Variants in HNF1B observed in about 807,000 individuals in gnomAD.
HNF1B encodes the protein HNF1 homeobox B.
Under a neutral mutation model 61.7 loss-of-function variants are expected in HNF1B, and 8 were observed. The observed-to-expected ratio is 0.13, with a 90% CI of 0.08 to 0.23. The LOEUF is 0.23. Ranked by LOEUF, HNF1B falls within the 10% of genes least tolerant of loss-of-function variation. The probability of loss-of-function intolerance (pLI) is 1.00; values close to 1 mark genes in which losing one functional copy is unlikely to be tolerated. For missense variants in HNF1B, 562 were observed against 714.5 expected, an observed-to-expected ratio of 0.79 and a Z score of 2.43; for synonymous variants, 314 against 287.7, an observed-to-expected ratio of 1.09 and a Z score of -0.93.
chr17:37,713,357 T>A (rs928178781), intron 4 of HNF1B, among the ~76,000 whole-genome samples: 2 of 152,206 alleles, frequency 1.3e-5, no homozygotes, highest in African/African-American at 2.4e-5. Flanking sequence ...ATTATTTATT[T>A]AAAAATAATT....
intron 1 of HNF1B, among the ~76,000 whole-genome samples, chr17:37,741,661 A>C (rs1412643243): frequency 1.3e-5 from 2 of 152,228 alleles, no homozygotes; most frequent in East Asian, 3.8e-4. Context: ...CTTAGGGGAA[A>C]AATTGCATTT....
chr17:37,699,904 G>A (rs375206920), intron 7 of HNF1B, among the ~76,000 whole-genome samples: 12 of 152,196 alleles, frequency 7.9e-5, no homozygotes, highest in Admixed American at 5.9e-4. Context: ...GATGCAGCTA[G>A]GGAAGAAACA....
At chr17:37,704,448 C>A (rs1051084308) in intron 6 of HNF1B, among the ~76,000 whole-genome samples, 1 of 152,200 alleles carries the variant, frequency 6.6e-6, no homozygotes, top group African/African-American at 2.4e-5. Flanking sequence ...TAGAAGGAAA[C>A]CTGTCATTCT....
intron 4 of HNF1B, among the ~76,000 whole-genome samples, chr17:37,715,815 C>G (rs2033088992): frequency 6.6e-6 from 1 of 152,140 alleles, no homozygotes; most frequent in Non-Finnish European, 1.5e-5. Context: ...CTCTGGTAAT[C>G]TTTTTATTGG....
chr17:37,731,915 G>T, intron 3 of HNF1B, 85 bp from the exon 4 acceptor site: 1 of 916,798 alleles, frequency 1.1e-6, no homozygotes, highest in Non-Finnish European at 1.7e-6. Flanking sequence ...AATCACAGCA[G>T]TCTTGGTTGG....
intron 2 of HNF1B, 78 bp from the exon 3 acceptor site, chr17:37,733,899 G>T (rs1046672722): frequency 1.3e-6 from 2 of 1,486,812 alleles, no homozygotes; most frequent in East Asian, 2.3e-5. Flanking sequence ...GACAGACAAC[G>T]GACGAAGACA....
intron 8 of HNF1B, among the ~76,000 whole-genome samples, chr17:37,691,201 G>T (rs2032190699): frequency 6.6e-6 from 1 of 152,212 alleles, no homozygotes; most frequent in Non-Finnish European, 1.5e-5. Context: ...TGAGGCGTGA[G>T]GATAAAGGCC....
chr17:37,708,276 C>G (rs2032816921), intron 5 of HNF1B, among the ~76,000 whole-genome samples: 1 of 152,190 alleles, frequency 6.6e-6, no homozygotes, highest in South Asian at 2.1e-4. Context: ...GATAGTGACA[C>G]AGCACATGCA....
chr17:37,744,372 T>C (rs2034100249), intron 1 of HNF1B, among the ~76,000 whole-genome samples, 169 bp downstream of exon 1: 1 of 152,068 alleles, frequency 6.6e-6, no homozygotes, highest in Non-Finnish European at 1.5e-5. Context: ...GTCGTCCCGC[T>C]AAGGGATTGG....
chr17:37,722,870 G>C (rs886331405), intron 4 of HNF1B, among the ~76,000 whole-genome samples: 3 of 151,992 alleles, frequency 2.0e-5, no homozygotes, highest in Non-Finnish European at 4.4e-5. Flanking sequence ...CTCACCGTGG[G>C]GCTGTGTGCA....
At position 37,710,618 on chromosome 17, in the gene HNF1B, G is replaced by A; in HGVS notation, c.1091C>T (p.Ser364Leu). The change falls in exon 5 of 9, where the codon TCA becomes TTA. Residue 364 changes from serine (S) to leucine (L), a missense_variant. By Grantham distance (145) the Ser-to-Leu change is moderately radical. Around this residue, in one of 6 missense-constraint regions of HNF1B, gnomAD observed 211 missense variants for 200.7 expected, o/e 1.05. Coordinates refer to ENST00000617811, the MANE Select transcript of HNF1B (RefSeq NM_000458.4). Reference protein sequence around the residue: ...QQGNNEITSSSTISHHGNSAM... With the variant: ...QQGNNEITSSLTISHHGNSAM... ...GCTGTTGCCATGGTGACTGATTGTT[G>A]AGGAGGAAGTGATCTCATTGTTTCC... is the stretch of plus-strand genomic sequence containing the variant. 2.5e-6 allele frequency: 4 copies of A among 1,613,912 alleles called. No homozygotes were observed. The highest frequency in any genetic ancestry group is 3.4e-6 in the Non-Finnish European group (4 of 1,180,010).
intron 2 of HNF1B, among the ~76,000 whole-genome samples, chr17:37,739,019 T>C (rs1042188931): frequency 1.3e-5 from 2 of 152,206 alleles, no homozygotes; most frequent in Non-Finnish European, 2.9e-5. Flanking sequence ...AGGAGGAAAT[T>C]AACAGTAATA....
intron 8 of HNF1B, among the ~76,000 whole-genome samples, chr17:37,692,121 A>G (rs994094272): frequency 1.3e-5 from 2 of 152,212 alleles, no homozygotes; most frequent in African/African-American, 4.8e-5. Flanking sequence ...GTTGAGAAGG[A>G]GGGAGACGTA....
chr17:37,687,273 G>A lies in HNF1B; in HGVS notation c.*99C>T, dbSNP rs2229295. The A allele has an allele frequency of 6.2e-7, 1 of 1,604,226 alleles. No individual in the cohort carries two copies. The highest frequency in any genetic ancestry group is 1.1e-5 in the South Asian group (1 of 90,794). ...TAAGCAGGGACCTCTCGCAGGTGCT[G>A]GTCAGGTCACTGGGCTTTTCCATGA... On this transcript the variant is annotated 3_prime_UTR_variant, in exon 9 of 9. Coordinates refer to ENST00000617811, the MANE Select transcript of HNF1B (RefSeq NM_000458.4).
Position 37,701,001 on chromosome 17 carries a change from G to A in HNF1B, c.1516C>T (p.Gln506Ter). 6.4e-7 allele frequency: 1 copy of A among 1,557,250 alleles called. No individual in the cohort carries two copies. The highest frequency in any genetic ancestry group is 8.7e-7 in the Non-Finnish European group (1 of 1,150,156). ...TCCTTACTGTGTGAGTTCTGCAGCT[G>A]AGTCACAGCTGCCATGAAGGGCTGC... ...AQQPFMAAVT[Q>*]LQNSHMYAHK... Residue 506 changes from glutamine to a stop codon, truncating the protein, a stop_gained, in exon 7 of 9, where the codon CAG becomes TAG. Transcript: ENST00000617811. LOFTEE classifies it high-confidence loss of function.
chr17:37,730,774 A>T (rs542259573), intron 4 of HNF1B: 1 of 152,576 alleles, frequency 6.6e-6, no homozygotes, highest in East Asian at 1.9e-4. Flanking sequence ...CACCACACAG[A>T]CCCCAGTGAG....
At chr17:37,723,075 C>T (rs1400835836) in intron 4 of HNF1B, among the ~76,000 whole-genome samples, 2 of 151,840 alleles carry the variant, frequency 1.3e-5, no homozygotes, top group Non-Finnish European at 2.9e-5. Context: ...CGCGGTGGCT[C>T]ACGGCTGTAA....
At chr17:37,736,802 G>T (rs956562763) in intron 2 of HNF1B, among the ~76,000 whole-genome samples, 2 of 152,182 alleles carry the variant, frequency 1.3e-5, no homozygotes, top group Admixed American at 6.5e-5. Context: ...AGCCAGGTGG[G>T]TTTGCCTGTA....
intron 2 of HNF1B, among the ~76,000 whole-genome samples, chr17:37,738,996 A>G (rs4239217): frequency 0.35 from 52,974 of 152,118 alleles, 9,475 homozygotes; most frequent in Non-Finnish European, 0.39. Flanking sequence ...TATTGTTGAT[A>G]CTTTTTCCAG....
Sources: gnomAD v4.1 joint callset for allele counts (sites outside exome capture counted in the v4.1 genomes callset) on GRCh38, gnomAD v4.1.1 for gene constraint, gnomAD v4.1.1 regional missense constraint, MANE v1.5 for transcripts, NCBI Gene and HGNC (gene_info 2026-07-23, HGNC 2026-07-21) for gene names.